Variants in A1CF observed in about 807,000 individuals in gnomAD.
A1CF encodes the protein APOBEC1 complementation factor, also known as APOBEC-1 stimulating protein.
Under a neutral mutation model 68.9 loss-of-function variants are expected in A1CF, and 48 were observed. The ratio of observed to expected loss-of-function variants is 0.70; its 90% CI spans 0.55 to 0.89. The LOEUF (loss-of-function observed/expected upper bound fraction) is 0.89. Among genes scored for constraint, A1CF ranks in the 40% least tolerant of loss-of-function variants. The probability of loss-of-function intolerance (pLI) is 0.00; values close to 1 mark genes in which losing one functional copy is unlikely to be tolerated. For missense variants in A1CF, 653 were observed against 718.9 expected (o/e 0.91, Z 1.05); for synonymous variants, 272 against 260.4 (o/e 1.04, Z -0.43).
At chr10:50,844,245 T>A in intron 3 of A1CF, 123 bp from the exon 4 acceptor site, 1 of 1,379,164 alleles carries the variant, frequency 7.3e-7, no homozygotes, top group East Asian at 2.4e-5. Flanking sequence ...CAAGTAATAA[T>A]AGTGGACTGG....
At chr10:50,854,238 C>T (rs1840378523) in intron 3 of A1CF, among the ~76,000 whole-genome samples, 1 of 151,860 alleles carries the variant, frequency 6.6e-6, no homozygotes, top group Admixed American at 6.6e-5. Context: ...TGTTATTTTA[C>T]AATATTCTTT....
intron 5 of A1CF, among the ~76,000 whole-genome samples, chr10:50,838,642 G>A (rs763557812): frequency 3.3e-5 from 5 of 152,176 alleles, no homozygotes; most frequent in South Asian, 2.1e-4. Flanking sequence ...TTTAGATGAC[G>A]ATCAGTGAAT....
intron 6 of A1CF, among the ~76,000 whole-genome samples, chr10:50,828,753 G>C (rs927279906): frequency 6.6e-6 from 1 of 152,112 alleles, no homozygotes; most frequent in Non-Finnish European, 1.5e-5. Context: ...AATTAGGCTA[G>C]GTACCACAAT....
At chr10:50,841,208 A>G (rs10994682) in intron 5 of A1CF, among the ~76,000 whole-genome samples, 205 of 152,284 alleles carry the variant, frequency 1.3e-3, no homozygotes, top group Non-Finnish European at 2.0e-3. Context: ...TCTGTACTTC[A>G]TCTACACTTC....
At chr10:50,879,231 TC>T (rs1357932232) in intron 1 of A1CF, among the ~76,000 whole-genome samples, 1 of 152,218 alleles carries the variant, frequency 6.6e-6, no homozygotes, top group Non-Finnish European at 1.5e-5. Flanking sequence ...AATATGGGAC[TC>T]CCTTAGCAGA....
intron 3 of A1CF, among the ~76,000 whole-genome samples, chr10:50,855,800 G>A (rs770609793): frequency 6.6e-6 from 1 of 151,956 alleles, no homozygotes; most frequent in Non-Finnish European, 1.5e-5. Context: ...CAAAGATACA[G>A]CAAAAGTAAA....
At chr10:50,852,410 G>A (rs545820229) in intron 3 of A1CF, among the ~76,000 whole-genome samples, 3 of 152,128 alleles carry the variant, frequency 2.0e-5, no homozygotes, top group Non-Finnish European at 4.4e-5. Flanking sequence ...TTCACACCAC[G>A]CTATGGCATC....
chr10:50,856,152 A>G (rs1196542689), intron 3 of A1CF, among the ~76,000 whole-genome samples: 1 of 152,058 alleles, frequency 6.6e-6, no homozygotes, highest in Non-Finnish European at 1.5e-5. Flanking sequence ...AATCACAAAA[A>G]TCATGGACAA....
intron 6 of A1CF, among the ~76,000 whole-genome samples, chr10:50,833,366 C>T (rs897918346): frequency 6.6e-6 from 1 of 152,204 alleles, no homozygotes; most frequent in Admixed American, 6.5e-5. Flanking sequence ...GATGCTGATG[C>T]AGCCTGACAT....
chr10:50,808,986 T>C (rs1017151331), intron 12 of A1CF, among the ~76,000 whole-genome samples: 4 of 151,932 alleles, frequency 2.6e-5, no homozygotes, highest in Non-Finnish European at 5.9e-5. Flanking sequence ...AAATGACAGA[T>C]TTCTTTAATA....
rs527596853 is a variant in A1CF at position 50,839,743 on chromosome 10, GTTGT to G, written c.365+2115_365+2118del. Among the ~76,000 whole-genome samples, 1,363 of 152,216 alleles carry G rather than the reference GTTGT, an allele frequency of 9.0e-3. 15 individuals are homozygous for G. Among genetic ancestry groups the G allele is most frequent in the Middle Eastern group, 0.017 (5 of 294 alleles). On this transcript the variant is annotated intron_variant, in intron 5 of 12. Coordinates refer to ENST00000373997, the MANE Select transcript of A1CF (RefSeq NM_014576.4). ...CAACTGATCTTCCTGTGGCTAAGGC[GTTGT>G]TTGTTTGTTTGTTTTTTGAGACAGA...
At position 50,881,102 on chromosome 10, in the gene A1CF, G is replaced by A. The variant is rs189712336; in HGVS notation, c.-94+4479C>T. On this transcript the variant is annotated intron_variant, in intron 1 of 12. Transcript: ENST00000373997. ...CCTCCTGGGTTCAAGTGATTTTCCC[G>A]CCTCAGCCTCCTGGGTAGCTGGGAT... Among the ~76,000 whole-genome samples, 254 of 151,778 alleles carry A rather than the reference G, an allele frequency of 1.7e-3. 3 individuals are homozygous for A. The highest frequency in any genetic ancestry group is 3.2e-3 in the Admixed American group (49 of 15,236).
At chr10:50,807,715 A>C (rs2132303249) in intron 12 of A1CF, among the ~76,000 whole-genome samples, 1 of 152,340 alleles carries the variant, frequency 6.6e-6, no homozygotes, top group East Asian at 1.9e-4. Flanking sequence ...TTTAGTTTAA[A>C]ACCTGAGTAT....
At chr10:50,877,361 T>C (rs1219397946) in intron 1 of A1CF, among the ~76,000 whole-genome samples, 1 of 152,216 alleles carries the variant, frequency 6.6e-6, no homozygotes, top group Non-Finnish European at 1.5e-5. Context: ...TTTAACCTTA[T>C]TGAGACTCTG....
At chr10:50,862,158 G>C (rs1840777014) in intron 2 of A1CF, among the ~76,000 whole-genome samples, 1 of 152,006 alleles carries the variant, frequency 6.6e-6, no homozygotes, top group South Asian at 2.1e-4. Flanking sequence ...CTGAGGTCAG[G>C]AGTTCGAGAC....
At chr10:50,867,489 A>G (rs1431531115) in intron 1 of A1CF, among the ~76,000 whole-genome samples, 1 of 152,202 alleles carries the variant, frequency 6.6e-6, no homozygotes, top group Admixed American at 6.5e-5. Context: ...TAATGTGTAC[A>G]CATGGAGGTA....
chr10:50,822,212 A>G (rs1838710394), intron 7 of A1CF, among the ~76,000 whole-genome samples: 1 of 152,204 alleles, frequency 6.6e-6, no homozygotes, highest in African/African-American at 2.4e-5. Context: ...AGATAGTTGG[A>G]TGTTATATTT....
chr10:50,807,001 A>G, intron 12 of A1CF, 121 bp from the exon 13 acceptor site: 4 of 1,022,424 alleles, frequency 3.9e-6, no homozygotes, highest in South Asian at 3.5e-5. Flanking sequence ...AAGTTAATAT[A>G]TATGTTTTAA....
At chr10:50,835,742 A>C (rs1254601064) in intron 6 of A1CF, among the ~76,000 whole-genome samples, 1 of 152,230 alleles carries the variant, frequency 6.6e-6, no homozygotes, top group African/African-American at 2.4e-5. Flanking sequence ...TAATTCTAAT[A>C]AGCCTGGTAA....
Sources: allele counts gnomAD v4.1 joint callset (sites outside exome capture counted in the v4.1 genomes callset), GRCh38; gene constraint gnomAD v4.1.1; transcripts MANE v1.5; gene names NCBI Gene and HGNC (gene_info 2026-07-23, HGNC 2026-07-21).